FER: variants seen among roughly 807,000 people sequenced by gnomAD.
FER encodes the protein tyrosine-protein kinase Fer.
In FER, 63 loss-of-function variants were observed where a neutral mutation model predicts 111.0. That is an observed-to-expected ratio of 0.57 (90% CI 0.46 to 0.70). The LOEUF (loss-of-function observed/expected upper bound fraction) is 0.70, where lower values mean the gene tolerates loss of function less well. Among genes scored for constraint, FER ranks in the 30% least tolerant of loss-of-function variants. The probability of loss-of-function intolerance (pLI) is 0.00; values close to 1 mark genes in which losing one functional copy is unlikely to be tolerated. For missense variants in FER, 914 were observed against 954.0 expected (o/e 0.96, Z 0.55); for synonymous variants, 327 against 313.9 (o/e 1.04, Z -0.44).
At chr5:109,147,800 T>TATATATATAG (rs1487827199) in intron 17 of FER, among the ~76,000 whole-genome samples, 5 of 118,566 alleles carry the variant, frequency 4.2e-5, no homozygotes, top group Non-Finnish European at 9.0e-5. Flanking sequence ...TATATATATA[T>TATATATATAG]AGAGAGAGAG....
At chr5:109,090,562 G>T (rs1778054334) in intron 16 of FER, among the ~76,000 whole-genome samples, 1 of 152,090 alleles carries the variant, frequency 6.6e-6, no homozygotes, top group African/African-American at 2.4e-5. Context: ...TCAGTGCTTT[G>T]CATGGGAACA....
rs1289399176 is a variant in FER, at chr5:108,897,751, A to G, written c.1139A>G (p.Gln380Arg). The change falls in exon 10 of 20, where the codon CAG becomes CGG. Residue 380 changes from glutamine (Q) to arginine (R), a missense_variant. Around this residue, in one of 3 missense-constraint regions of FER, gnomAD observed 774 missense variants for 782.6 expected, o/e 0.99. Coordinates refer to ENST00000281092, the MANE Select transcript of FER (RefSeq NM_005246.4). ...TGCACTGAAGCAAAGTTTTCAGCAC[A>G]GAAGGAATTACTAGAGCAAAAAGTG... ...LRCTEAKFSA[Q>R]KELLEQKVQE... 2 of 1,613,742 alleles carry G rather than the reference A, an allele frequency of 1.2e-6. No homozygotes were observed. Among genetic ancestry groups the G allele is most frequent in the Non-Finnish European group, 1.7e-6 (2 of 1,179,802 alleles).
At chr5:109,165,282 G>T (rs138743985) in intron 17 of FER, among the ~76,000 whole-genome samples, 1 of 152,218 alleles carries the variant, frequency 6.6e-6, no homozygotes, top group East Asian at 1.9e-4. Context: ...ATGACTCAGG[G>T]TCCTCATTAT....
intron 3 of FER, among the ~76,000 whole-genome samples, chr5:108,801,816 A>G (rs1756685481): frequency 6.6e-6 from 1 of 152,158 alleles, no homozygotes; most frequent in Non-Finnish European, 1.5e-5. Context: ...TATCCAAATT[A>G]CCGGCATCAC....
intron 16 of FER, among the ~76,000 whole-genome samples, chr5:109,066,271 A>G (rs1378017823): frequency 2.0e-5 from 3 of 152,186 alleles, no homozygotes; most frequent in African/African-American, 7.2e-5. Context: ...AAATTAAGGA[A>G]TAAACCCTTC....
intron 3 of FER, 121 bp from the exon 4 acceptor site, chr5:108,832,649 A>AT (rs59281987): frequency 1.5e-6 from 1 of 665,174 alleles, no homozygotes; most frequent in Non-Finnish European, 2.2e-6. Flanking sequence ...CCAGAAACCT[A>AT]TTTTTTATAT....
chr5:109,064,593 T>C (rs539275548), intron 16 of FER, among the ~76,000 whole-genome samples: 157 of 152,270 alleles, frequency 1.0e-3, no homozygotes, highest in Non-Finnish European at 1.7e-3. Context: ...ATTTGAGCCA[T>C]AGATGCATTA....
At chr5:108,790,273 A>ACACACT (rs55895238) in intron 2 of FER, among the ~76,000 whole-genome samples, 2 of 141,736 alleles carry the variant, frequency 1.4e-5, no homozygotes, top group African/African-American at 5.1e-5. Context: ...ACACACACAC[A>ACACACT]CTCTTACATA....
chr5:108,898,650 TTCTCTCTTCCTCTTTCTTTTC>T (rs1486736630), intron 10 of FER, among the ~76,000 whole-genome samples: 17 of 146,930 alleles, frequency 1.2e-4, no homozygotes, highest in African/African-American at 4.0e-4. Context: ...TTTCTTTCCT[TTCTCTCTTCCTCTTTCTTTTC>T]TCTCTCTTCC....
chr5:108,922,582 G>A (rs578016215), intron 10 of FER, among the ~76,000 whole-genome samples: 2 of 152,166 alleles, frequency 1.3e-5, no homozygotes, highest in Non-Finnish European at 2.9e-5. Flanking sequence ...ATGAGCCTGG[G>A]TAAGTGCCTG....
At chr5:108,991,584 T>C (rs896190621) in intron 13 of FER, among the ~76,000 whole-genome samples, 5 of 152,162 alleles carry the variant, frequency 3.3e-5, no homozygotes, top group African/African-American at 1.2e-4. Context: ...ATATCACATT[T>C]GTGCAGAATT....
chr5:109,108,269 A>G (rs926789031), intron 17 of FER, among the ~76,000 whole-genome samples: 1 of 152,198 alleles, frequency 6.6e-6, no homozygotes, highest in African/African-American at 2.4e-5. Flanking sequence ...AGCTAGTAAG[A>G]GGAAGATTCA....
At chr5:109,135,161 A>G (rs1752756697) in intron 17 of FER, among the ~76,000 whole-genome samples, 1 of 152,204 alleles carries the variant, frequency 6.6e-6, no homozygotes, top group Non-Finnish European at 1.5e-5. Flanking sequence ...CAGGTGGGGA[A>G]ATGGTTGGAG....
intron 5 of FER, among the ~76,000 whole-genome samples, chr5:108,845,870 A>G (rs949320429): frequency 6.6e-6 from 1 of 152,198 alleles, no homozygotes; most frequent in Non-Finnish European, 1.5e-5. Flanking sequence ...AGATAAATAG[A>G]TACCTATTTT....
At chr5:108,941,825 G>T (rs933219186) in intron 10 of FER, among the ~76,000 whole-genome samples, 5 of 152,096 alleles carry the variant, frequency 3.3e-5, no homozygotes, top group African/African-American at 1.2e-4. Flanking sequence ...GAGCACAGAG[G>T]ATCTTTAGGA....
intron 10 of FER, among the ~76,000 whole-genome samples, chr5:108,933,712 G>A (rs569211379): frequency 8.6e-4 from 131 of 152,196 alleles, no homozygotes; most frequent in African/African-American, 3.0e-3. Context: ...ACATTTTTAC[G>A]ATATTGATTC....
chr5:109,174,931 T>A (rs1339440588), intron 17 of FER, among the ~76,000 whole-genome samples: 1 of 152,232 alleles, frequency 6.6e-6, no homozygotes, highest in Non-Finnish European at 1.5e-5. Context: ...ACGGGCTTTG[T>A]GACCTTGGGC....
At position 108,927,252 on chromosome 5, in the gene FER, C is replaced by CTTTTTTTTTTTTTTTTTTTTTTTTTTTT. The variant is rs766702172; in HGVS notation, c.1237-18859_1237-18858insTTTTTTTTTTTTTTTTTTTTTTTTTTTT. ...TGTAATTCAGCATTGAGAAGTGGCT[C>CTTTTTTTTTTTTTTTTTTTTTTTTTTTT]TTTTTTTTTTTTTTTTTTTGAGACG... is the stretch of plus-strand genomic sequence containing the variant. On this transcript the variant is annotated intron_variant, in intron 10 of 19. Transcript: ENST00000281092. Among the ~76,000 whole-genome samples the CTTTTTTTTTTTTTTTTTTTTTTTTTTTT allele has an allele frequency of 4.9e-4, 47 of 95,238 alleles. 12 individuals are homozygous for CTTTTTTTTTTTTTTTTTTTTTTTTTTTT. The highest frequency in any genetic ancestry group is 1.7e-3 in the African/African-American group (29 of 17,262). The allele number at this position is 95,238 out of a possible 152,430, so 62.5% of individuals were successfully genotyped here. A position where few individuals can be genotyped will look rare whatever the true frequency, so the allele number is the denominator to read the frequency against.
At position 108,878,161 on chromosome 5, in the gene FER, C is replaced by T. The variant is rs539056869; in HGVS notation, c.924-5235C>T. Among the ~76,000 whole-genome samples, 7 of 152,184 alleles carry T rather than the reference C, an allele frequency of 4.6e-5. No individual in the cohort carries two copies. In the East Asian group the frequency reaches 1.4e-3, roughly 29 times the overall value. On this transcript the variant is annotated intron_variant, in intron 8 of 19. Coordinates refer to ENST00000281092, the MANE Select transcript of FER (RefSeq NM_005246.4). ...ACCTCAACTGATCTACCCGCCGCAG[C>T]CTCCCAAAGTGCTGCGATTACATTC...
Sources: gnomAD v4.1 joint callset for allele counts (sites outside exome capture counted in the v4.1 genomes callset) on GRCh38, gnomAD v4.1.1 for gene constraint, gnomAD v4.1.1 regional missense constraint, MANE v1.5 for transcripts, NCBI Gene and HGNC (gene_info 2026-07-23, HGNC 2026-07-21) for gene names.